GALNT13: variants seen among roughly 807,000 people sequenced by gnomAD.
GALNT13 encodes polypeptide N-acetylgalactosaminyltransferase 13, also known as UDP-GalNAc:polypeptide N-acetylgalactosaminyltransferase 13.
A neutral mutation model predicts 64.2 loss-of-function variants in GALNT13; 28 were observed. That is an observed-to-expected ratio of 0.44 (90% CI 0.32 to 0.60). The LOEUF (loss-of-function observed/expected upper bound fraction) is 0.60, where lower values mean the gene tolerates loss of function less well. GALNT13 is among the 20% of genes least tolerant of loss of function. The pLI, the probability that GALNT13 is intolerant of heterozygous loss-of-function variation, is 0.05. For missense variants in GALNT13, 577 were observed against 669.8 expected, an observed-to-expected ratio of 0.86 and a Z score of 1.53; for synonymous variants, 214 against 224.6, an observed-to-expected ratio of 0.95 and a Z score of 0.42.
the GALNT13 span, among the ~76,000 whole-genome samples, chr2:153,346,109 A>G: frequency 6.6e-6 from 1 of 151,996 alleles, no homozygotes; most frequent in African/African-American, 2.4e-5. Context: ...AATTTTTTGT[A>G]GAGATGGGTT....
intron 8 of GALNT13, among the ~76,000 whole-genome samples, chr2:154,298,377 T>C (rs1693054356): frequency 7.9e-6 from 1 of 127,320 alleles, no homozygotes; most frequent in African/African-American, 2.8e-5. Context: ...ATCACTAAAT[T>C]ACATAAATAT....
At chr2:153,528,869 A>G in the GALNT13 span, among the ~76,000 whole-genome samples, 1 of 152,010 alleles carries the variant, frequency 6.6e-6, no homozygotes, top group African/African-American at 2.4e-5. Flanking sequence ...ATTTTCTTGA[A>G]ACAAACGACA....
intron 9 of GALNT13, among the ~76,000 whole-genome samples, chr2:154,335,847 G>T (rs1695416061): frequency 2.0e-5 from 3 of 151,884 alleles, no homozygotes; most frequent in African/African-American, 7.2e-5. Context: ...TAAACTGCTG[G>T]AATAAGTAAC....
chr2:153,592,081 T>C, the GALNT13 span, among the ~76,000 whole-genome samples: 2 of 149,202 alleles, frequency 1.3e-5, no homozygotes, highest in Non-Finnish European at 3.0e-5. Flanking sequence ...TATATATATA[T>C]AAAATGCTCA....
chr2:153,901,469 C>T (rs1415409832), intron 2 of GALNT13, among the ~76,000 whole-genome samples: 1 of 152,042 alleles, frequency 6.6e-6, no homozygotes, highest in Non-Finnish European at 1.5e-5. Flanking sequence ...GGATGTTTTT[C>T]TATTTGTGTC....
At chr2:153,670,281 C>G in the GALNT13 span, among the ~76,000 whole-genome samples, 31,804 of 152,104 alleles carry the variant, frequency 0.21, 4,337 homozygotes, top group Middle Eastern at 0.44. Flanking sequence ...CTGGGAGACA[C>G]CTCCCAGTAG....
chr2:153,703,466 G>GT, the GALNT13 span, among the ~76,000 whole-genome samples: 61 of 151,574 alleles, frequency 4.0e-4, no homozygotes, highest in Admixed American at 2.9e-3. Flanking sequence ...TTGGGATTAT[G>GT]TTTTTTTTCT....
chr2:153,440,574 A>G, the GALNT13 span, among the ~76,000 whole-genome samples: 1 of 152,216 alleles, frequency 6.6e-6, no homozygotes, highest in African/African-American at 2.4e-5. Flanking sequence ...CCAACAGTGT[A>G]GAAGTGTTCC....
At chr2:153,264,140 G>A in the GALNT13 span, among the ~76,000 whole-genome samples, 1 of 152,218 alleles carries the variant, frequency 6.6e-6, no homozygotes, top group Non-Finnish European at 1.5e-5. Context: ...GAAATGAGCA[G>A]ACCCTTCTGA....
chr2:154,018,957 A>T (rs1310390512), intron 3 of GALNT13, among the ~76,000 whole-genome samples: 3 of 151,856 alleles, frequency 2.0e-5, no homozygotes, highest in Admixed American at 2.0e-4. Context: ...GAGAGAAATA[A>T]CAGGGAGTAG....
the GALNT13 span, among the ~76,000 whole-genome samples, chr2:153,517,550 A>G: frequency 6.6e-6 from 1 of 152,162 alleles, no homozygotes; most frequent in African/African-American, 2.4e-5. Flanking sequence ...ACACTGGAAC[A>G]ATTCGAGTCA....
chr2:153,834,806 T>A, the GALNT13 span, among the ~76,000 whole-genome samples: 1 of 152,072 alleles, frequency 6.6e-6, no homozygotes, highest in South Asian at 2.1e-4. Context: ...GGAAAGGAAC[T>A]GACAAAACAT....
chr2:153,121,831 T>A, the GALNT13 span, among the ~76,000 whole-genome samples: 4 of 152,324 alleles, frequency 2.6e-5, no homozygotes, highest in African/African-American at 9.6e-5. Context: ...ACTGCATTTT[T>A]TACGACACTG....
At chr2:153,641,534 A>G in the GALNT13 span, among the ~76,000 whole-genome samples, 1 of 152,248 alleles carries the variant, frequency 6.6e-6, no homozygotes, top group Middle Eastern at 3.4e-3. Flanking sequence ...CTAAGAAGCA[A>G]GCGATACAAA....
chr2:153,257,258 C>A, the GALNT13 span, among the ~76,000 whole-genome samples: 1 of 152,186 alleles, frequency 6.6e-6, no homozygotes, highest in Admixed American at 6.5e-5. Context: ...GGAAAGGGAA[C>A]TCCCTGACCC....
chr2:153,825,622 G>A, the GALNT13 span, among the ~76,000 whole-genome samples: 6 of 150,714 alleles, frequency 4.0e-5, no homozygotes, highest in Non-Finnish European at 8.9e-5. Flanking sequence ...GTGTGTGTGT[G>A]TGTGTGTGTG....
Position 154,296,485 on chromosome 2 carries a change from A to G in GALNT13, c.976-4924A>G, listed in dbSNP as rs6729596. Among the ~76,000 whole-genome samples the G allele has an allele frequency of 2.4e-3, 370 of 152,310 alleles. 3 individuals carry two copies. Among genetic ancestry groups the G allele is most frequent in the African/African-American group, 8.6e-3 (357 of 41,570 alleles). On this transcript the variant is annotated intron_variant, in intron 8 of 12. Coordinates refer to ENST00000392825, the MANE Select transcript of GALNT13 (RefSeq NM_052917.4). ...ATTTATGAGTATTCCATAGGAAGGG[A>G]GGGAAAAGCCTCTTTACCAAACACC... is the stretch of plus-strand genomic sequence containing the variant.
the GALNT13 span, among the ~76,000 whole-genome samples, chr2:153,564,491 C>G: frequency 6.6e-6 from 1 of 151,806 alleles, no homozygotes; most frequent in Non-Finnish European, 1.5e-5. Context: ...GACATCAATA[C>G]TTTATAAAGA....
the GALNT13 span, among the ~76,000 whole-genome samples, chr2:153,856,154 G>T: frequency 6.6e-6 from 1 of 152,076 alleles, no homozygotes; most frequent in Non-Finnish European, 1.5e-5. Context: ...TGTGGTGATG[G>T]TTACACAGCT....
Sources: allele counts gnomAD v4.1 joint callset (sites outside exome capture counted in the v4.1 genomes callset), GRCh38; gene constraint gnomAD v4.1.1; transcripts MANE v1.5; gene names NCBI Gene and HGNC (gene_info 2026-07-23, HGNC 2026-07-21).